Variants in KAT14 observed in about 807,000 individuals in gnomAD.
KAT14 encodes the protein cysteine-rich protein 2-binding protein.
KAT14 carries 66 observed loss-of-function variants against 78.4 expected under a neutral mutation model. That is an observed-to-expected ratio of 0.84 (90% CI 0.69 to 1.03). The LOEUF is 1.03. Among genes scored for constraint, KAT14 ranks in the 50% least tolerant of loss-of-function variants. The pLI is 0.00. For synonymous variants in KAT14, 344 were observed against 359.4 expected (o/e 0.96, Z 0.48); for missense variants, 870 against 972.5 (o/e 0.89, Z 1.40).
At chr20:18,179,685 G>A (rs2039177506) in intron 7 of KAT14, among the ~76,000 whole-genome samples, 1 of 152,202 alleles carries the variant, frequency 6.6e-6, no homozygotes, top group Admixed American at 6.5e-5. Context: ...ATGCCGTGGA[G>A]ATTGTCTTGG....
intron 4 of KAT14, among the ~76,000 whole-genome samples, chr20:18,151,813 C>T (rs1045020949): frequency 1.3e-5 from 2 of 150,178 alleles, no homozygotes; most frequent in South Asian, 2.1e-4. Flanking sequence ...AGACCAGCCT[C>T]GCCAACATGG....
intron 7 of KAT14, 57 bp from the exon 8 acceptor site, chr20:18,181,653 G>A (rs1318942691): frequency 2.5e-6 from 4 of 1,607,930 alleles, no homozygotes; most frequent in Non-Finnish European, 3.4e-6. Flanking sequence ...ACCGGCATGA[G>A]CCACTGTGCC....
intron 7 of KAT14, among the ~76,000 whole-genome samples, chr20:18,167,836 TAA>T (rs930838598): frequency 2.6e-5 from 4 of 152,158 alleles, no homozygotes; most frequent in East Asian, 1.9e-4. Context: ...GGTCCTAACT[TAA>T]GATACATTTA....
chr20:18,177,300 T>A (rs2039083889), intron 7 of KAT14, among the ~76,000 whole-genome samples: 1 of 152,188 alleles, frequency 6.6e-6, no homozygotes, highest in African/African-American at 2.4e-5. Context: ...AGTTATTAAC[T>A]GGTCTAGCTG....
chr20:18,187,263 G>T, intron 10 of KAT14, 23 bp from the exon 11 acceptor site: 1 of 1,572,116 alleles, frequency 6.4e-7, no homozygotes, highest in African/African-American at 1.4e-5. Context: ...TTTTTATCTT[G>T]TATTTTTCCA....
intron 7 of KAT14, among the ~76,000 whole-genome samples, chr20:18,174,305 CATTTTT>C (rs1296853987): frequency 1.3e-5 from 2 of 152,182 alleles, no homozygotes; most frequent in Non-Finnish European, 2.9e-5. Context: ...TGTGGACACA[CATTTTT>C]ATTTCTCTGA....
chr20:18,160,024 G>A (rs1027409717), intron 5 of KAT14, among the ~76,000 whole-genome samples: 1 of 151,930 alleles, frequency 6.6e-6, no homozygotes, highest in Non-Finnish European at 1.5e-5. Context: ...AATGATTCTC[G>A]TGCCTCAGCC....
chr20:18,184,487 T>TG, intron 9 of KAT14, 115 bp from the exon 10 acceptor site: 1 of 468,760 alleles, frequency 2.1e-6, no homozygotes, highest in Non-Finnish European at 2.9e-6. Flanking sequence ...GTTTTGGTGT[T>TG]TTTTTTTTTT....
intron 9 of KAT14, 142 bp downstream of exon 9, chr20:18,183,440 A>G (rs2039338417): frequency 7.5e-7 from 1 of 1,341,094 alleles, no homozygotes; most frequent in Admixed American, 3.6e-5. Context: ...GAAATATTAA[A>G]ATACAAATAC....
chr20:18,138,378 C>T, intron 1 of KAT14: 2 of 1,057,182 alleles, frequency 1.9e-6, no homozygotes, highest in East Asian at 6.6e-5. Flanking sequence ...GCTCTGTTTT[C>T]AAGTCACAGC....
intron 2 of KAT14, 81 bp downstream of exon 2, chr20:18,143,000 G>T: frequency 6.5e-7 from 1 of 1,538,176 alleles, no homozygotes; most frequent in Non-Finnish European, 8.8e-7. Context: ...AAACGTGAAT[G>T]TAAAAGAGAC....
rs771198650 is a variant in KAT14 at position 18,183,310 on chromosome 20, C to G, written c.1981+12C>G. The G allele has an allele frequency of 3.4e-5, 54 of 1,608,436 alleles. No individual in the cohort carries two copies. The highest frequency in any genetic ancestry group is 4.5e-5 in the Non-Finnish European group (53 of 1,176,274). On this transcript the variant is annotated intron_variant, in intron 9 of 10. Coordinates refer to ENST00000688188, the MANE Select transcript of KAT14 (RefSeq NM_001392073.1). The stretch of plus-strand genomic sequence containing the variant: ...GTTTTTTTGGCCTGGTATGTTCCCC[C>G]TCCCAAACCAGGCAGGTCATTTTTC...
intron 7 of KAT14, among the ~76,000 whole-genome samples, chr20:18,169,871 T>C (rs2038786412): frequency 1.3e-5 from 2 of 152,208 alleles, no homozygotes; most frequent in African/African-American, 4.8e-5. Flanking sequence ...CTCCAGTGAG[T>C]GCACAACTGA....
intron 3 of KAT14, among the ~76,000 whole-genome samples, chr20:18,148,543 A>G (rs924993534): frequency 6.6e-6 from 1 of 152,038 alleles, no homozygotes; most frequent in Non-Finnish European, 1.5e-5. Context: ...CCACAAGATC[A>G]GCCTCATTAC....
At chr20:18,143,931 T>A (rs2037713547) in intron 2 of KAT14, among the ~76,000 whole-genome samples, 1 of 152,192 alleles carries the variant, frequency 6.6e-6, no homozygotes, top group South Asian at 2.1e-4. Flanking sequence ...TGCTCGGCCC[T>A]GATCTTGAGA....
intron 1 of KAT14, among the ~76,000 whole-genome samples, chr20:18,140,818 C>CAAAAAAAAA (rs1157203058): frequency 2.5e-5 from 2 of 79,052 alleles, no homozygotes; most frequent in African/African-American, 1.0e-4. Flanking sequence ...GACTCCTTCT[C>CAAAAAAAAA]AAAAAAAAAA....
In KAT14 at chr20:18,143,203, C is replaced by T. The variant is rs75678841; in HGVS notation, c.259+284C>T. 4.2e-4 allele frequency: 481 copies of T among 1,134,484 alleles called. No individual in the cohort carries two copies. In the African/African-American group the frequency reaches 7.3e-3, roughly 17 times the overall value. The allele number at this position is 1,134,484 out of a possible 1,614,324, so 70.3% of individuals were successfully genotyped here. A position where few individuals can be genotyped will look rare whatever the true frequency, so the allele number is the denominator to read the frequency against. ...TACTTAAAGAATTAGCCATATTTTTCTAACAAGGTCACAGAGATTTAGGGC... is the reference window on the plus strand; with the variant it reads ...TACTTAAAGAATTAGCCATATTTTTTTAACAAGGTCACAGAGATTTAGGGC... On this transcript the variant is annotated intron_variant, in intron 2 of 10. Transcript: ENST00000688188.
chr20:18,177,312 A>T (rs916127575), intron 7 of KAT14, among the ~76,000 whole-genome samples: 2 of 152,006 alleles, frequency 1.3e-5, no homozygotes, highest in Non-Finnish European at 1.5e-5. Flanking sequence ...GTCTAGCTGG[A>T]CTCCAAGAGG....
At chr20:18,164,110 A>G in intron 7 of KAT14, among the ~76,000 whole-genome samples, 1 of 152,144 alleles carries the variant, frequency 6.6e-6, no homozygotes, top group East Asian at 1.9e-4. Flanking sequence ...TGGGGGCTAT[A>G]GTTTACCAAG....
Sources: gnomAD v4.1 joint callset for allele counts (sites outside exome capture counted in the v4.1 genomes callset) on GRCh38, gnomAD v4.1.1 for gene constraint, MANE v1.5 for transcripts, NCBI Gene and HGNC (gene_info 2026-07-23, HGNC 2026-07-21) for gene names.